Variants in TTC39C observed in about 807,000 individuals in gnomAD.
TTC39C encodes the protein tetratricopeptide repeat domain 39C.
A neutral mutation model predicts 76.3 loss-of-function variants in TTC39C; 33 were observed. The observed-to-expected ratio is 0.43, with a 90% confidence interval of 0.33 to 0.58. The LOEUF is 0.58. Among genes scored for constraint, TTC39C ranks in the 20% least tolerant of loss-of-function variants. The probability of loss-of-function intolerance (pLI) is 0.04; values close to 1 mark genes in which losing one functional copy is unlikely to be tolerated. For synonymous variants in TTC39C, 254 were observed against 260.6 expected (o/e 0.97, Z 0.24); for missense variants, 595 against 701.4 (o/e 0.85, Z 1.71).
At chr18:24,114,466 A>T (rs539197948) in intron 6 of TTC39C, 88 bp from the exon 7 acceptor site, 4 of 1,023,976 alleles carry the variant, frequency 3.9e-6, no homozygotes, top group Non-Finnish European at 6.1e-6. Flanking sequence ...TAAAATAACT[A>T]TGAAGGAAAA....
At chr18:24,104,352 C>G (rs1346307952) in intron 6 of TTC39C, among the ~76,000 whole-genome samples, 1 of 152,202 alleles carries the variant, frequency 6.6e-6, no homozygotes, top group Non-Finnish European at 1.5e-5. Flanking sequence ...CCACTGGCCT[C>G]CTTCCTTCCT....
chr18:24,046,355 T>A (rs1256272715), intron 1 of TTC39C, among the ~76,000 whole-genome samples: 2 of 151,848 alleles, frequency 1.3e-5, no homozygotes, highest in Non-Finnish European at 2.9e-5. Flanking sequence ...AGACTAGACA[T>A]TTGGGATACT....
chr18:23,995,167 C>A (rs1314757849), intron 1 of TTC39C, among the ~76,000 whole-genome samples: 1 of 152,108 alleles, frequency 6.6e-6, no homozygotes, highest in Non-Finnish European at 1.5e-5. Flanking sequence ...CATTTCAAGA[C>A]TGTTAAATAA....
At chr18:24,039,114 C>T (rs534746636) in intron 1 of TTC39C, among the ~76,000 whole-genome samples, 1 of 152,336 alleles carries the variant, frequency 6.6e-6, no homozygotes, top group South Asian at 2.1e-4. Flanking sequence ...TCAGTCCCCC[C>T]ATGCACCTGT....
chr18:24,090,682 C>A (rs1331320924), intron 6 of TTC39C, among the ~76,000 whole-genome samples: 2 of 151,780 alleles, frequency 1.3e-5, no homozygotes. Flanking sequence ...GAAAACTCCA[C>A]TTCCTACTCT....
rs1167104790 is a variant in TTC39C at position 24,030,648 on chromosome 18, C to CTTTTTTTTTT, written c.167+15622_167+15631dup. Among the ~76,000 whole-genome samples, 363 of 88,988 alleles carry CTTTTTTTTTT rather than the reference C, an allele frequency of 4.1e-3. 4 individuals carry two copies. Among genetic ancestry groups the CTTTTTTTTTT allele is most frequent in the Middle Eastern group, 0.014 (1 of 74 alleles). 58.4% of individuals were successfully genotyped at this position (88,988 alleles called of 152,430 possible). A position where few individuals can be genotyped will look rare whatever the true frequency, so the allele number is the denominator to read the frequency against. On this transcript the variant is annotated intron_variant, in intron 1 of 13. Transcript: ENST00000317571. ...TCTCTCAACAGCCCCAAAGATAGGCCTTTTTTTTTTTTTTTTTTTTTGAGA... is the reference window on the plus strand; with the variant it reads ...TCTCTCAACAGCCCCAAAGATAGGCCTTTTTTTTTTTTTTTTTTTTTTTTTTTTTTTGAGA...
In TTC39C at chr18:24,068,555, A is replaced by T. The variant is rs756585315; in HGVS notation, c.346-602A>T. 5.2e-4 allele frequency among the ~76,000 whole-genome samples: 79 copies of T among 152,342 alleles called. 1 individual carries two copies. The highest frequency in any genetic ancestry group is 4.6e-4 in the Non-Finnish European group (31 of 68,036). The stretch of plus-strand genomic sequence containing the variant: ...TTTTCATTTTAGAAACATTATGATA[A>T]AGACCAACATTTTATAAAAAGTGAT... On this transcript the variant is annotated intron_variant, in intron 3 of 13. Coordinates refer to ENST00000317571, the MANE Select transcript of TTC39C (RefSeq NM_001135993.2).
chr18:24,113,816 T>G, intron 6 of TTC39C: 1 of 649,612 alleles, frequency 1.5e-6, no homozygotes, highest in Non-Finnish European at 2.8e-6. Context: ...GAAATGTATT[T>G]CACTGGGAGT....
At chr18:24,015,269 G>A (rs2083440539) in intron 1 of TTC39C, 1 of 404,912 alleles carries the variant, frequency 2.5e-6, no homozygotes, top group Non-Finnish European at 4.3e-6. Flanking sequence ...GACCCGCCGC[G>A]CGCCCGCCCC....
At chr18:24,130,665 T>C (rs2085115225) in intron 12 of TTC39C, among the ~76,000 whole-genome samples, 1 of 152,046 alleles carries the variant, frequency 6.6e-6, no homozygotes, top group African/African-American at 2.4e-5. Context: ...TGCTGAGAAA[T>C]GCGTTGTTAG....
chr18:24,024,557 T>C (rs201195082), intron 1 of TTC39C, among the ~76,000 whole-genome samples: 27 of 152,078 alleles, frequency 1.8e-4, no homozygotes, highest in Non-Finnish European at 3.1e-4. Flanking sequence ...ATACTGGCTG[T>C]TGAAGTGGTT....
rs1227336125 is a variant in TTC39C, at chr18:24,134,282, T to G, written c.*1708T>G. On this transcript the variant is annotated 3_prime_UTR_variant, in exon 14 of 14. Transcript: ENST00000317571. ...GTTTTTTGTTTTTTTTTTTTTTTTT[T>G]TTTTTTTTTGAGACGGAGTCTCGCT... 2.2e-5 allele frequency: 3 copies of G among 137,074 alleles called. 1 individual carries two copies. Among genetic ancestry groups the G allele is most frequent in the Non-Finnish European group, 3.1e-5 (2 of 64,480 alleles). The allele number at this position is 137,074 out of a possible 1,614,324, so 8.5% of individuals were successfully genotyped here.
At chr18:24,084,261 A>G (rs1461927893) in intron 6 of TTC39C, among the ~76,000 whole-genome samples, 1 of 152,152 alleles carries the variant, frequency 6.6e-6, no homozygotes, top group African/African-American at 2.4e-5. Context: ...AGGCAGGTGT[A>G]TCACCTGAGG....
At chr18:24,116,046 C>T (rs940663269) in intron 7 of TTC39C, among the ~76,000 whole-genome samples, 1 of 152,230 alleles carries the variant, frequency 6.6e-6, no homozygotes, top group South Asian at 2.1e-4. Context: ...GTAACTCGGG[C>T]TTCCGATTCA....
chr18:24,017,277 A>G (rs1208135851), intron 1 of TTC39C, among the ~76,000 whole-genome samples: 1 of 152,212 alleles, frequency 6.6e-6, no homozygotes, highest in Non-Finnish European at 1.5e-5. Context: ...GGTTGCATAC[A>G]GGTGTGATCA....
intron 1 of TTC39C, among the ~76,000 whole-genome samples, chr18:24,053,840 G>A (rs1227338065): frequency 6.6e-6 from 1 of 152,124 alleles, no homozygotes; most frequent in African/African-American, 2.4e-5. Flanking sequence ...TTTTAAGTCA[G>A]CCCTCATCAG....
At chr18:24,028,181 G>A (rs1227375814) in intron 1 of TTC39C, among the ~76,000 whole-genome samples, 5 of 152,174 alleles carry the variant, frequency 3.3e-5, no homozygotes, top group African/African-American at 9.7e-5. Context: ...GTGGTATAGG[G>A]GAAATGGCTA....
chr18:24,073,439 C>CGT (rs1456736659), intron 4 of TTC39C, among the ~76,000 whole-genome samples: 1 of 152,148 alleles, frequency 6.6e-6, no homozygotes, highest in Admixed American at 6.6e-5. Context: ...TGTGGAACAC[C>CGT]CCTACCCCCT....
intron 6 of TTC39C, 35 bp downstream of exon 6, chr18:24,083,116 C>T (rs1175218479): frequency 1.9e-6 from 3 of 1,553,284 alleles, no homozygotes; most frequent in Non-Finnish European, 2.6e-6. Context: ...AAAATAAAGC[C>T]TCCGATGATC....
Sources: allele counts gnomAD v4.1 joint callset (sites outside exome capture counted in the v4.1 genomes callset), GRCh38; gene constraint gnomAD v4.1.1; transcripts MANE v1.5; gene names NCBI Gene and HGNC (gene_info 2026-07-23, HGNC 2026-07-21).